Variants in MRPS28 observed in about 807,000 individuals in gnomAD.
The protein encoded by MRPS28 is small ribosomal subunit protein bS1m.
A neutral mutation model predicts 10.8 loss-of-function variants in MRPS28; 7 were observed. That is an observed-to-expected ratio of 0.65 (90% confidence interval 0.37 to 1.22). MRPS28 has a LOEUF of 1.22. Among genes scored for constraint, MRPS28 ranks in the 50% most tolerant of loss-of-function variants. MRPS28 has a pLI of 0.02. For synonymous variants in MRPS28, 121 were observed against 93.3 expected, an observed-to-expected ratio of 1.30 and a Z score of -1.71; for missense variants, 265 against 232.9, an observed-to-expected ratio of 1.14 and a Z score of -0.90.
At chr8:80,028,662 G>GGGGGGGGGGC (rs1809558299) in intron 1 of MRPS28, 1 of 47,956 alleles carries the variant, frequency 2.1e-5, no homozygotes, top group Non-Finnish European at 4.4e-5. Context: ...GGGGGGCGGG[G>GGGGGGGGGGC]CCGGGCGGGG....
intron 2 of MRPS28, among the ~76,000 whole-genome samples, chr8:79,923,428 T>C (rs553980601): frequency 3.5e-4 from 53 of 152,308 alleles, no homozygotes; most frequent in African/African-American, 1.2e-3. Context: ...ATAAGCCATA[T>C]TGCTGCTATT....
At chr8:80,007,507 GTA>G (rs1220985095) in intron 1 of MRPS28, among the ~76,000 whole-genome samples, 1 of 152,194 alleles carries the variant, frequency 6.6e-6, no homozygotes, top group East Asian at 1.9e-4. Flanking sequence ...TGACATGATT[GTA>G]TATTTAGAAA....
chr8:79,959,868 A>G (rs2130000201), intron 2 of MRPS28, among the ~76,000 whole-genome samples: 1 of 152,292 alleles, frequency 6.6e-6, no homozygotes, highest in East Asian at 1.9e-4. Context: ...ATAAGCCAAT[A>G]TTAATTTTAT....
intron 2 of MRPS28, among the ~76,000 whole-genome samples, chr8:79,991,309 A>G (rs993209164): frequency 5.9e-5 from 9 of 152,244 alleles, no homozygotes; most frequent in African/African-American, 2.2e-4. Flanking sequence ...ATGGAGTGTC[A>G]GCAGCTTAAA....
chr8:79,961,038 C>T (rs983520136), intron 2 of MRPS28, among the ~76,000 whole-genome samples: 5 of 152,048 alleles, frequency 3.3e-5, no homozygotes, highest in Non-Finnish European at 7.4e-5. Flanking sequence ...CCGGCCTTCC[C>T]TGATTTCAAT....
chr8:79,931,193 T>A (rs534162661), intron 2 of MRPS28, among the ~76,000 whole-genome samples: 1 of 152,224 alleles, frequency 6.6e-6, no homozygotes, highest in Non-Finnish European at 1.5e-5. Context: ...AAGGAATTAG[T>A]AGTTCCTAAT....
chr8:79,943,624 T>G (rs968046068), intron 2 of MRPS28, among the ~76,000 whole-genome samples: 2 of 152,216 alleles, frequency 1.3e-5, no homozygotes. Flanking sequence ...CAGAATAATC[T>G]GAGACTCATA....
Position 80,003,120 on chromosome 8 carries a change from T to C in MRPS28, c.274A>G (p.Met92Val). The change falls in exon 2 of 3, where the codon ATG becomes GTG. Residue 92 changes from methionine to valine, a missense_variant. Met to Val is a conservative substitution (Grantham distance 21, BLOSUM62 1). Coordinates refer to ENST00000276585, the MANE Select transcript of MRPS28 (RefSeq NM_014018.3). ...SMLRHSPLTQMGPAKDKLVIG... is the reference protein window; with the variant it reads ...SMLRHSPLTQVGPAKDKLVIG... Reference sequence around the variant, plus strand: ...ACCAGTTTATCCTTTGCAGGTCCCATCTGTGTAAGAGGAGAATGTCTCAGC... The same window carrying C: ...ACCAGTTTATCCTTTGCAGGTCCCACCTGTGTAAGAGGAGAATGTCTCAGC... The C allele has an allele frequency of 1.9e-6, 3 of 1,613,096 alleles. No individual in the cohort carries two copies. Among genetic ancestry groups the C allele is most frequent in the Non-Finnish European group, 1.7e-6 (2 of 1,179,706 alleles).
rs554958302 is a variant in MRPS28, at chr8:79,970,326, C to T, written c.395+32673G>A. Among the ~76,000 whole-genome samples, 4 of 152,152 alleles carry T rather than the reference C, an allele frequency of 2.6e-5. No individual in the cohort carries two copies. The East Asian group carries it at 7.7e-4, about 29-fold the overall frequency. ...CTGTATTCTCCAGGGCCCCAAGACC[C>T]CAAGAAGAATTTTTTTAAAAATCAG... On this transcript the variant is annotated intron_variant, in intron 2 of 2. Coordinates refer to ENST00000276585, the MANE Select transcript of MRPS28 (RefSeq NM_014018.3).
At chr8:80,019,352 A>G (rs1809294709) in intron 1 of MRPS28, among the ~76,000 whole-genome samples, 1 of 149,534 alleles carries the variant, frequency 6.7e-6, no homozygotes, top group Admixed American at 6.7e-5. Context: ...TTAAAAATAG[A>G]AAAAAAATGT....
chr8:79,944,633 T>G (rs1270829362), intron 2 of MRPS28, among the ~76,000 whole-genome samples: 1 of 151,966 alleles, frequency 6.6e-6, no homozygotes, highest in East Asian at 1.9e-4. Context: ...AATGTGGTAG[T>G]AGTAAGATAT....
rs961009815 is a variant in MRPS28 at position 79,981,345 on chromosome 8, T to A, written c.395+21654A>T. The stretch of plus-strand genomic sequence containing the variant: ...GTCTTAAAAAACAAAAACAAAAACA[T>A]GCTGAAGACACAGTATTTAAAAAAC... On this transcript the variant is annotated intron_variant, in intron 2 of 2. Coordinates refer to ENST00000276585, the MANE Select transcript of MRPS28 (RefSeq NM_014018.3). 4.6e-5 allele frequency among the ~76,000 whole-genome samples: 7 copies of A among 151,992 alleles called. No individual in the cohort carries two copies. The South Asian group carries it at 8.3e-4, about 18-fold the overall frequency.
chr8:80,029,927 C>T, intron 1 of MRPS28, 109 bp downstream of exon 1: 1 of 1,536,764 alleles, frequency 6.5e-7, no homozygotes, highest in Non-Finnish European at 8.7e-7. Flanking sequence ...AAACTGGGCC[C>T]CGGACCTCAG....
intron 2 of MRPS28, among the ~76,000 whole-genome samples, chr8:79,967,222 T>C (rs927902084): frequency 6.6e-6 from 1 of 152,154 alleles, no homozygotes; most frequent in African/African-American, 2.4e-5. Context: ...ATGACATTCA[T>C]TCACTCACTC....
At chr8:80,015,625 GC>G (rs1305666002) in intron 1 of MRPS28, among the ~76,000 whole-genome samples, 3 of 152,024 alleles carry the variant, frequency 2.0e-5, no homozygotes, top group Admixed American at 6.6e-5. Flanking sequence ...AATACATCAT[GC>G]CCAGCTATCA....
intron 2 of MRPS28, among the ~76,000 whole-genome samples, chr8:79,983,742 C>T (rs867506720): frequency 0.013 from 2,010 of 152,160 alleles, 63 homozygotes; most frequent in African/African-American, 0.044. Context: ...TAAAGAGAAA[C>T]GAACAAAGCC....
At chr8:79,999,841 T>C (rs919239905) in intron 2 of MRPS28, among the ~76,000 whole-genome samples, 2 of 152,144 alleles carry the variant, frequency 1.3e-5, no homozygotes, top group East Asian at 1.9e-4. Flanking sequence ...GCTTCAGAGA[T>C]AGCTGAAGCC....
chr8:79,933,610 G>T (rs1806526840), intron 2 of MRPS28, among the ~76,000 whole-genome samples: 1 of 152,190 alleles, frequency 6.6e-6, no homozygotes, highest in Non-Finnish European at 1.5e-5. Context: ...AGATGAAAAA[G>T]AAGTCAGTGA....
chr8:79,989,015 T>C (rs1808277164), intron 2 of MRPS28, among the ~76,000 whole-genome samples: 1 of 152,176 alleles, frequency 6.6e-6, no homozygotes, highest in South Asian at 2.1e-4. Context: ...ATAGCCAATA[T>C]TATTGAATAA....
Sources: gnomAD v4.1 joint callset for allele counts (sites outside exome capture counted in the v4.1 genomes callset) on GRCh38, gnomAD v4.1.1 for gene constraint, MANE v1.5 for transcripts, NCBI Gene and HGNC (gene_info 2026-07-23, HGNC 2026-07-21) for gene names.